MAGI3: variants seen among roughly 807,000 people sequenced by gnomAD.
MAGI3 encodes the protein membrane-associated guanylate kinase, WW and PDZ domain-containing protein 3.
A neutral mutation model predicts 121.8 loss-of-function variants in MAGI3; 43 were observed. The observed-to-expected ratio is 0.35, with a 90% confidence interval of 0.28 to 0.46. The LOEUF is 0.46. Ranked by LOEUF, MAGI3 falls within the 20% of genes least tolerant of loss-of-function variation. The pLI, the probability that MAGI3 is intolerant of heterozygous loss-of-function variation, is 1.00. For synonymous variants in MAGI3, 553 were observed against 639.3 expected (o/e 0.86, Z 2.04); for missense variants, 1,547 against 1,797.3 (o/e 0.86, Z 2.52).
intron 2 of MAGI3, 47 bp from the exon 3 acceptor site, chr1:113,580,495 A>G: frequency 6.5e-7 from 1 of 1,544,356 alleles, no homozygotes; most frequent in Non-Finnish European, 8.8e-7. Flanking sequence ...ATATTTTGTA[A>G]GTTTAAAAGT....
chr1:113,546,612 C>T (rs891876367), intron 1 of MAGI3, among the ~76,000 whole-genome samples: 1 of 151,480 alleles, frequency 6.6e-6, no homozygotes, highest in African/African-American at 2.4e-5. Flanking sequence ...GCTGGGATTA[C>T]AGGCATGAGC....
chr1:113,525,620 A>T (rs1658413973), intron 1 of MAGI3, among the ~76,000 whole-genome samples: 1 of 151,988 alleles, frequency 6.6e-6, no homozygotes, highest in African/African-American at 2.4e-5. Flanking sequence ...TTTATTATTT[A>T]ATTATTTAAT....
intron 1 of MAGI3, among the ~76,000 whole-genome samples, chr1:113,538,780 A>G (rs866407748): frequency 9.9e-5 from 15 of 152,140 alleles, no homozygotes; most frequent in Admixed American, 1.3e-4. Flanking sequence ...TCTTTAGTTT[A>G]TCCGTTGACT....
intron 9 of MAGI3, among the ~76,000 whole-genome samples, 178 bp downstream of exon 9, chr1:113,623,172 G>A (rs1271874797): frequency 3.3e-5 from 5 of 151,586 alleles, no homozygotes; most frequent in Non-Finnish European, 7.4e-5. Flanking sequence ...GTATACAGTA[G>A]GTATATATAT....
intron 1 of MAGI3, among the ~76,000 whole-genome samples, chr1:113,397,544 T>C (rs1362664938): frequency 6.6e-6 from 1 of 152,164 alleles, no homozygotes; most frequent in Non-Finnish European, 1.5e-5. Flanking sequence ...TTTGTGTGTG[T>C]TTGTGTACAA....
At chr1:113,578,188 C>T (rs1647776683) in intron 2 of MAGI3, among the ~76,000 whole-genome samples, 1 of 152,108 alleles carries the variant, frequency 6.6e-6, no homozygotes, top group Non-Finnish European at 1.5e-5. Context: ...GACTTCCTTG[C>T]ATGGTAGCAG....
chr1:113,461,318 A>G (rs1655021052), intron 1 of MAGI3, among the ~76,000 whole-genome samples: 1 of 152,196 alleles, frequency 6.6e-6, no homozygotes. Flanking sequence ...GCATCATGTT[A>G]CCCAACTTCC....
intron 1 of MAGI3, among the ~76,000 whole-genome samples, chr1:113,429,133 C>T (rs1002029235): frequency 2.6e-5 from 4 of 152,162 alleles, no homozygotes; most frequent in Admixed American, 6.5e-5. Flanking sequence ...TGGCTATTGC[C>T]TCAGCTATTG....
chr1:113,621,829 C>T (rs1650837756), intron 8 of MAGI3, among the ~76,000 whole-genome samples: 1 of 151,678 alleles, frequency 6.6e-6, no homozygotes, highest in Admixed American at 6.6e-5. Flanking sequence ...AAAACACTGT[C>T]AAGTGAAAGA....
intron 1 of MAGI3, among the ~76,000 whole-genome samples, chr1:113,523,491 G>A (rs1241951984): frequency 6.6e-6 from 1 of 152,200 alleles, no homozygotes; most frequent in Non-Finnish European, 1.5e-5. Flanking sequence ...GGTGGTCTCA[G>A]ATGGAAATGA....
intron 1 of MAGI3, among the ~76,000 whole-genome samples, chr1:113,515,458 A>G (rs1480071390): frequency 6.6e-6 from 1 of 152,138 alleles, no homozygotes; most frequent in East Asian, 1.9e-4. Flanking sequence ...TTTTTTATTT[A>G]TATATGACCT....
chr1:113,395,323 G>A (rs1459208514), intron 1 of MAGI3, among the ~76,000 whole-genome samples: 1 of 151,254 alleles, frequency 6.6e-6, no homozygotes, highest in Admixed American at 6.6e-5. Context: ...CCTTTGCTAG[G>A]GAAAGTAGCA....
chr1:113,671,684 C>T, intron 16 of MAGI3, 50 bp from the exon 17 acceptor site: 1 of 1,582,140 alleles, frequency 6.3e-7, no homozygotes, highest in South Asian at 1.1e-5. Context: ...GCTTGGCCTT[C>T]ACATTTTTAT....
chr1:113,638,749 T>A (rs1372414420), intron 9 of MAGI3, among the ~76,000 whole-genome samples: 1 of 150,944 alleles, frequency 6.6e-6, no homozygotes, highest in Admixed American at 6.6e-5. Context: ...GGAGAACCAC[T>A]GCTCTCCTCA....
At chr1:113,405,216 A>C (rs1206805689) in intron 1 of MAGI3, among the ~76,000 whole-genome samples, 1 of 152,070 alleles carries the variant, frequency 6.6e-6, no homozygotes, top group Non-Finnish European at 1.5e-5. Context: ...GTGGTGGCTC[A>C]CGCCTGAAAT....
chr1:113,466,228 C>T (rs1655277950), intron 1 of MAGI3, among the ~76,000 whole-genome samples: 1 of 152,034 alleles, frequency 6.6e-6, no homozygotes, highest in Admixed American at 6.6e-5. Context: ...TTATCAAATG[C>T]TTATTTAATC....
chr1:113,670,051 C>A (rs923935823), intron 16 of MAGI3, among the ~76,000 whole-genome samples: 6 of 151,554 alleles, frequency 4.0e-5, no homozygotes, highest in Non-Finnish European at 5.9e-5. Flanking sequence ...TACTCCCACC[C>A]TCCCTTCCTG....
chr1:113,437,251 T>C (rs1348826350), intron 1 of MAGI3, among the ~76,000 whole-genome samples: 1 of 151,982 alleles, frequency 6.6e-6, no homozygotes, highest in Non-Finnish European at 1.5e-5. Context: ...TCTTTCCCCT[T>C]CCCCCTCCAA....
chr1:113,394,400 G>T (rs1005768664), intron 1 of MAGI3, among the ~76,000 whole-genome samples: 1 of 152,072 alleles, frequency 6.6e-6, no homozygotes, highest in South Asian at 2.1e-4. Context: ...TGACCCTGTT[G>T]TTTATTTTTC....
Sources: allele counts gnomAD v4.1 joint callset (sites outside exome capture counted in the v4.1 genomes callset), GRCh38; gene constraint gnomAD v4.1.1; transcripts MANE v1.5; gene names NCBI Gene and HGNC (gene_info 2026-07-23, HGNC 2026-07-21).